Variants in MDGA2 observed in about 807,000 individuals in gnomAD.
The protein encoded by MDGA2 is MAM domain-containing glycosylphosphatidylinositol anchor protein 2.
In MDGA2, 40 loss-of-function variants were observed where a neutral mutation model predicts 117.8. The ratio of observed to expected loss-of-function variants is 0.34; its 90% confidence interval spans 0.26 to 0.44. The LOEUF (loss-of-function observed/expected upper bound fraction) is 0.44. Among genes scored for constraint, MDGA2 ranks in the 20% least tolerant of loss-of-function variants. The probability of loss-of-function intolerance (pLI) is 1.00; values close to 1 mark genes in which losing one functional copy is unlikely to be tolerated. For missense variants in MDGA2, 1,123 were observed against 1,250.6 expected (o/e 0.90, Z 1.54); for synonymous variants, 452 against 439.0 (o/e 1.03, Z -0.37).
chr14:46,958,918 C>T (rs1885671824), intron 8 of MDGA2, among the ~76,000 whole-genome samples: 2 of 152,142 alleles, frequency 1.3e-5, no homozygotes, highest in Admixed American at 6.5e-5. Flanking sequence ...ATAGTCTGCA[C>T]TTTTGAAGTG....
chr14:47,298,739 C>A (rs1285180765), intron 2 of MDGA2, among the ~76,000 whole-genome samples: 1 of 143,408 alleles, frequency 7.0e-6, no homozygotes, highest in Non-Finnish European at 1.5e-5. Flanking sequence ...GGCTGGAGTG[C>A]AGTGGCACGA....
intron 14 of MDGA2, among the ~76,000 whole-genome samples, chr14:46,867,520 T>G (rs1358748201): frequency 6.6e-6 from 1 of 152,090 alleles, no homozygotes; most frequent in East Asian, 1.9e-4. Context: ...TGTGCACATG[T>G]ACCCTAAAAC....
At chr14:46,843,076 A>C (rs565647705) in intron 16 of MDGA2, among the ~76,000 whole-genome samples, 103 of 152,196 alleles carry the variant, frequency 6.8e-4, no homozygotes, top group African/African-American at 2.4e-3. Context: ...AAATACACCC[A>C]ATACATACAG....
intron 8 of MDGA2, among the ~76,000 whole-genome samples, chr14:46,978,051 T>C (rs1886533668): frequency 6.6e-6 from 1 of 151,950 alleles, no homozygotes; most frequent in South Asian, 2.1e-4. Flanking sequence ...ATGTTTCTCA[T>C]TTTATTTTTC....
chr14:47,188,509 C>T (rs1884993677), intron 3 of MDGA2, among the ~76,000 whole-genome samples: 2 of 152,130 alleles, frequency 1.3e-5, no homozygotes, highest in South Asian at 4.1e-4. Context: ...AGATGACACA[C>T]TGATGACAGC....
intron 8 of MDGA2, among the ~76,000 whole-genome samples, chr14:47,016,221 C>T (rs943320820): frequency 2.7e-4 from 41 of 151,822 alleles, no homozygotes; most frequent in Admixed American, 1.8e-3. Context: ...AATGGCTTAG[C>T]CATTTAAAAA....
intron 3 of MDGA2, chr14:47,201,084 C>G (rs1427400799): frequency 2.1e-6 from 2 of 971,410 alleles, no homozygotes; most frequent in Admixed American, 1.7e-5. Flanking sequence ...CATCAAGCAC[C>G]AAGACCTGCA....
intron 5 of MDGA2, among the ~76,000 whole-genome samples, chr14:47,122,083 T>C (rs1467157696): frequency 6.6e-6 from 1 of 152,022 alleles, no homozygotes; most frequent in Admixed American, 6.6e-5. Context: ...CTCTGTGTTT[T>C]ATTATTGTTG....
At chr14:47,157,534 C>T (rs945266868) in intron 3 of MDGA2, among the ~76,000 whole-genome samples, 1 of 151,748 alleles carries the variant, frequency 6.6e-6, no homozygotes, top group Non-Finnish European at 1.5e-5. Context: ...CACTCATTTT[C>T]TATCAAACTC....
At chr14:47,183,883 C>A (rs1054969791) in intron 3 of MDGA2, among the ~76,000 whole-genome samples, 1 of 151,994 alleles carries the variant, frequency 6.6e-6, no homozygotes, top group African/African-American at 2.4e-5. Flanking sequence ...CTTTCCTCTA[C>A]ATAGAAATCT....
chr14:47,349,663 T>A (rs753719697), intron 1 of MDGA2, among the ~76,000 whole-genome samples: 5 of 152,198 alleles, frequency 3.3e-5, no homozygotes, highest in Non-Finnish European at 7.3e-5. Flanking sequence ...AAAAAAAACA[T>A]GAATTAGTTT....
intron 1 of MDGA2, among the ~76,000 whole-genome samples, chr14:47,498,653 A>G (rs1373060076): frequency 6.6e-6 from 1 of 152,176 alleles, no homozygotes; most frequent in East Asian, 1.9e-4. Flanking sequence ...AAATAATGGC[A>G]TTACTTAAAT....
chr14:47,651,480 GGAGTGTGT>G (rs890409335), intron 1 of MDGA2, among the ~76,000 whole-genome samples: 1 of 152,114 alleles, frequency 6.6e-6, no homozygotes, highest in African/African-American at 2.4e-5. Flanking sequence ...GGCCATATCT[GGAGTGTGT>G]GAGAATGATA....
At chr14:47,295,977 GATAT>G (rs1566725579) in intron 2 of MDGA2, among the ~76,000 whole-genome samples, 2 of 145,114 alleles carry the variant, frequency 1.4e-5, no homozygotes, top group East Asian at 2.0e-4. Flanking sequence ...TAGATAGATA[GATAT>G]AGTAAAGCTG....
chr14:47,308,502 G>GTT (rs68070912), intron 1 of MDGA2, among the ~76,000 whole-genome samples: 3 of 112,908 alleles, frequency 2.7e-5, no homozygotes, highest in Non-Finnish European at 3.7e-5. Context: ...CTTTCTGTTA[G>GTT]TTTTTTTTTT....
intron 6 of MDGA2, among the ~76,000 whole-genome samples, chr14:47,062,513 T>C (rs542839784): frequency 1.4e-5 from 2 of 144,410 alleles, no homozygotes; most frequent in Admixed American, 1.4e-4. Context: ...TTTTTTTTTT[T>C]CATCATCTTC....
intron 3 of MDGA2, among the ~76,000 whole-genome samples, chr14:47,185,382 G>A (rs923924882): frequency 1.3e-5 from 2 of 151,444 alleles, no homozygotes; most frequent in African/African-American, 4.8e-5. Flanking sequence ...GCACCCCTAT[G>A]CTTTAGGTAC....
At chr14:47,329,411 T>A (rs1219217999) in intron 1 of MDGA2, among the ~76,000 whole-genome samples, 1 of 152,078 alleles carries the variant, frequency 6.6e-6, no homozygotes, top group Non-Finnish European at 1.5e-5. Context: ...GGTATCACTC[T>A]AATAGGGAGG....
At chr14:47,102,437 CAG>C (rs1373226145) in intron 5 of MDGA2, among the ~76,000 whole-genome samples, 1 of 150,900 alleles carries the variant, frequency 6.6e-6, no homozygotes, top group Non-Finnish European at 1.5e-5. Context: ...AATAATAAAA[CAG>C]AATAAACGCC....
Sources: allele counts gnomAD v4.1 joint callset (sites outside exome capture counted in the v4.1 genomes callset), GRCh38; gene constraint gnomAD v4.1.1; transcripts MANE v1.5; gene names NCBI Gene and HGNC (gene_info 2026-07-23, HGNC 2026-07-21).